CARNMT1: variants seen among roughly 807,000 people sequenced by gnomAD.
The protein encoded by CARNMT1 is protein-L-histidine N-pros-methyltransferase CARNMT1.
A neutral mutation model predicts 49.6 loss-of-function variants in CARNMT1; 28 were observed. The ratio of observed to expected loss-of-function variants is 0.56; its 90% CI spans 0.42 to 0.77. CARNMT1 has a LOEUF of 0.77. Among genes scored for constraint, CARNMT1 ranks in the 30% least tolerant of loss-of-function variants. CARNMT1 has a pLI of 0.00. For synonymous variants in CARNMT1, 178 were observed against 175.0 expected, an observed-to-expected ratio of 1.02 and a Z score of -0.13; for missense variants, 421 against 512.6, an observed-to-expected ratio of 0.82 and a Z score of 1.73.
intron 5 of CARNMT1, among the ~76,000 whole-genome samples, chr9:74,998,008 T>C (rs1234851748): frequency 6.6e-6 from 1 of 152,166 alleles, no homozygotes; most frequent in African/African-American, 2.4e-5. Flanking sequence ...ACTTTCCCTA[T>C]TACCATCTCC....
chr9:74,990,194 A>C (rs1386105414), intron 6 of CARNMT1, among the ~76,000 whole-genome samples: 2 of 152,232 alleles, frequency 1.3e-5, no homozygotes, highest in Non-Finnish European at 2.9e-5. Context: ...TAGACTTAAG[A>C]AGCCTAACAA....
intron 3 of CARNMT1, 114 bp from the exon 4 acceptor site, chr9:74,999,984 T>C: frequency 1.2e-6 from 1 of 851,412 alleles, no homozygotes; most frequent in Non-Finnish European, 1.8e-6. Context: ...AAGCTAAGAC[T>C]CTGACTTCTC....
At chr9:74,990,663 C>T (rs1239493320) in intron 6 of CARNMT1, among the ~76,000 whole-genome samples, 2 of 152,122 alleles carry the variant, frequency 1.3e-5, no homozygotes, top group Non-Finnish European at 2.9e-5. Flanking sequence ...CAAACCATTC[C>T]CCATTAAAAG....
chr9:74,990,251 T>C (rs1046591496), intron 6 of CARNMT1, among the ~76,000 whole-genome samples: 1 of 152,130 alleles, frequency 6.6e-6, no homozygotes, highest in Admixed American at 6.5e-5. Flanking sequence ...GATGTAATAT[T>C]AGACCTGATA....
At position 75,021,477 on chromosome 9, in the gene CARNMT1, T is replaced by TAA. The variant is rs562191883; in HGVS notation, c.231-4030_231-4029insTT. On this transcript the variant is annotated intron_variant, in intron 1 of 7. Coordinates refer to ENST00000376834, the MANE Select transcript of CARNMT1 (RefSeq NM_152420.3). The stretch of plus-strand genomic sequence containing the variant: ...ATATATAGGATAAATATATATACTA[T>TAA]ATATATATATCTACTGTTCAAAAAA... 2.4e-3 allele frequency among the ~76,000 whole-genome samples: 353 copies of TAA among 145,336 alleles called. 3 individuals are homozygous for TAA. Among genetic ancestry groups the TAA allele is most frequent in the African/African-American group, 8.6e-3 (344 of 39,840 alleles).
chr9:75,028,295 T>C, upstream of CARNMT1: 2 of 1,334,756 alleles, frequency 1.5e-6, no homozygotes, highest in East Asian at 3.2e-5. Context: ...ACCGACAGCG[T>C]GGTGGCGGCT....
intron 5 of CARNMT1, among the ~76,000 whole-genome samples, chr9:74,997,237 T>C (rs1833214250): frequency 6.6e-6 from 1 of 152,200 alleles, no homozygotes; most frequent in African/African-American, 2.4e-5. Flanking sequence ...TAAGTGATGT[T>C]TTCCATTATT....
At chr9:75,015,004 G>C (rs1295656141) in intron 3 of CARNMT1, among the ~76,000 whole-genome samples, 3 of 152,142 alleles carry the variant, frequency 2.0e-5, no homozygotes, top group African/African-American at 7.2e-5. Context: ...CTCTCTAAAA[G>C]ATCTTTAAAT....
At chr9:75,011,452 A>G (rs1207628189) in intron 3 of CARNMT1, among the ~76,000 whole-genome samples, 1 of 152,116 alleles carries the variant, frequency 6.6e-6, no homozygotes, top group Non-Finnish European at 1.5e-5. Flanking sequence ...GCAACTTTGA[A>G]TTCCTGGGCT....
intron 4 of CARNMT1, among the ~76,000 whole-genome samples, 165 bp from the exon 5 acceptor site, chr9:74,998,941 T>G (rs1224306226): frequency 2.0e-5 from 3 of 152,042 alleles, no homozygotes; most frequent in Non-Finnish European, 4.4e-5. Flanking sequence ...TACATATACA[T>G]GTAGATGAGC....
At chr9:75,021,254 T>C (rs923230383) in intron 1 of CARNMT1, among the ~76,000 whole-genome samples, 11 of 143,888 alleles carry the variant, frequency 7.6e-5, no homozygotes, top group African/African-American at 2.9e-4. Flanking sequence ...ACATAGTATA[T>C]ACATAGTATA....
intron 7 of CARNMT1, 130 bp downstream of exon 7, chr9:74,984,777 A>G (rs1179207836): frequency 3.2e-6 from 2 of 631,964 alleles, no homozygotes; most frequent in Non-Finnish European, 5.5e-6. Flanking sequence ...GGGGATACTC[A>G]ACCTGTATTA....
At chr9:75,027,331 G>A (rs1822560466) in intron 1 of CARNMT1, 2 of 838,414 alleles carry the variant, frequency 2.4e-6, no homozygotes, top group Admixed American at 6.2e-5. Flanking sequence ...CAGATTTGCA[G>A]AAAAAAAGAA....
At chr9:75,024,741 A>C (rs1300100483) in intron 1 of CARNMT1, among the ~76,000 whole-genome samples, 1 of 152,222 alleles carries the variant, frequency 6.6e-6, no homozygotes, top group East Asian at 1.9e-4. Context: ...GACATTTTGC[A>C]GTAAAATTGA....
At chr9:75,002,527 GA>G (rs1377766581) in intron 3 of CARNMT1, among the ~76,000 whole-genome samples, 2 of 152,114 alleles carry the variant, frequency 1.3e-5, no homozygotes, top group South Asian at 4.2e-4. Flanking sequence ...GTACAAAAAG[GA>G]ATGAAAAACA....
chr9:75,022,562 G>A (rs894472848), intron 1 of CARNMT1, among the ~76,000 whole-genome samples: 5 of 152,062 alleles, frequency 3.3e-5, no homozygotes, highest in Non-Finnish European at 7.4e-5. Flanking sequence ...ATAAAATGAT[G>A]TGCAAAAAGA....
At chr9:74,991,669 T>C (rs1035027990) in intron 6 of CARNMT1, 2 of 152,176 alleles carry the variant, frequency 1.3e-5, no homozygotes, top group Non-Finnish European at 2.9e-5. Context: ...GAAATGGGCA[T>C]ATAAGGTAGG....
intron 3 of CARNMT1, among the ~76,000 whole-genome samples, chr9:75,002,502 C>T (rs1229563951): frequency 6.6e-6 from 1 of 151,908 alleles, no homozygotes; most frequent in African/African-American, 2.4e-5. Flanking sequence ...AAAATGAACA[C>T]CAAATTTAAA....
At chr9:74,996,858 C>T (rs553850063) in intron 5 of CARNMT1, among the ~76,000 whole-genome samples, 8 of 152,308 alleles carry the variant, frequency 5.3e-5, no homozygotes, top group African/African-American at 1.7e-4. Context: ...TGTTTATCCT[C>T]TATTCAACTT....
Sources: gnomAD v4.1 joint callset for allele counts (sites outside exome capture counted in the v4.1 genomes callset) on GRCh38, gnomAD v4.1.1 for gene constraint, MANE v1.5 for transcripts, NCBI Gene and HGNC (gene_info 2026-07-23, HGNC 2026-07-21) for gene names.